RAB31: variants seen among roughly 807,000 people sequenced by gnomAD.
RAB31 encodes the protein RAB31, member RAS oncogene family.
RAB31 carries 21 observed loss-of-function variants against 25.6 expected under a neutral mutation model. The ratio of observed to expected loss-of-function variants is 0.82; its 90% CI spans 0.58 to 1.18. The LOEUF is 1.18. RAB31 is among the 50% of genes most tolerant of loss of function. The pLI is 0.00. For synonymous variants in RAB31, 87 were observed against 84.0 expected (o/e 1.04, Z -0.20); for missense variants, 196 against 250.1 (o/e 0.78, Z 1.46).
chr18:9,825,442 A>G (rs1477475699), intron 5 of RAB31, among the ~76,000 whole-genome samples: 1 of 152,206 alleles, frequency 6.6e-6, no homozygotes, highest in Admixed American at 6.5e-5. Flanking sequence ...AAAAAGAGAA[A>G]TAGGTTGTAA....
At chr18:9,803,651 C>A (rs1430371501) in intron 3 of RAB31, among the ~76,000 whole-genome samples, 2 of 152,198 alleles carry the variant, frequency 1.3e-5, no homozygotes, top group Non-Finnish European at 2.9e-5. Context: ...GCCATGCCTG[C>A]TGAGCTCCTT....
chr18:9,746,647 C>A (rs112722479), intron 1 of RAB31, among the ~76,000 whole-genome samples: 1 of 152,024 alleles, frequency 6.6e-6, no homozygotes, highest in African/African-American at 2.4e-5. Context: ...AATAAGAGTA[C>A]GAAGATCAGT....
chr18:9,748,336 C>G (rs1049048788), intron 1 of RAB31, among the ~76,000 whole-genome samples: 1 of 151,086 alleles, frequency 6.6e-6, no homozygotes, highest in South Asian at 2.1e-4. Flanking sequence ...ATCTCTACCC[C>G]CTACCCCCAA....
rs2145458914 is a variant in RAB31 at position 9,721,477 on chromosome 18, GT to G, written c.39+13034del. On this transcript the variant is annotated intron_variant, in intron 1 of 6. Transcript: ENST00000578921. ...AAAAAATATAAAAAATTAGCTGGGTGTGGTGGTGCATGCCTGTAATCCCAGC... is the reference window on the plus strand; with the variant it reads ...AAAAAATATAAAAAATTAGCTGGGTGGGTGGTGCATGCCTGTAATCCCAGC... Among the ~76,000 whole-genome samples the G allele has an allele frequency of 2.0e-5, 3 of 152,228 alleles. No individual in the cohort carries two copies. The South Asian group carries it at 6.2e-4, about 32-fold the overall frequency.
Position 9,859,487 on chromosome 18 carries a change from C to G in RAB31, c.*162C>G, listed in dbSNP as rs1008022321. 1 of 531,916 alleles carries G rather than the reference C, an allele frequency of 1.9e-6. No homozygotes were observed. Among genetic ancestry groups the G allele is most frequent in the Non-Finnish European group, 3.2e-6 (1 of 312,364 alleles). 32.9% of individuals were successfully genotyped at this position (531,916 alleles called of 1,614,324 possible). On this transcript the variant is annotated 3_prime_UTR_variant, in exon 7 of 7. Coordinates refer to ENST00000578921, the MANE Select transcript of RAB31 (RefSeq NM_006868.4). Reference sequence around the variant, plus strand: ...GCAGGGGGCGGGGCAGGAAATGTACCTGAAAAGGATTTTAGAAAACCCTGG... The same window carrying G: ...GCAGGGGGCGGGGCAGGAAATGTACGTGAAAAGGATTTTAGAAAACCCTGG...
chr18:9,825,745 T>A (rs1227657171), intron 5 of RAB31, among the ~76,000 whole-genome samples: 1 of 152,238 alleles, frequency 6.6e-6, no homozygotes, highest in Non-Finnish European at 1.5e-5. Flanking sequence ...GGCTTCTCTC[T>A]TGCCCTTCAG....
intron 2 of RAB31, among the ~76,000 whole-genome samples, chr18:9,791,817 G>A (rs1292651420): frequency 6.6e-6 from 1 of 152,096 alleles, no homozygotes; most frequent in Non-Finnish European, 1.5e-5. Flanking sequence ...TATTGGCCAG[G>A]CTGGTCTTGA....
Position 9,729,254 on chromosome 18 carries a change from G to A in RAB31, c.39+20810G>A, listed in dbSNP as rs142383867. ...CTCTAATATTATAAAAGTATTTAGC[G>A]CGATGGCTCATGTCTGTAATCCCAG... On this transcript the variant is annotated intron_variant, in intron 1 of 6. Transcript: ENST00000578921. Among the ~76,000 whole-genome samples the A allele has an allele frequency of 7.5e-3, 1,148 of 152,074 alleles. 5 individuals are homozygous for A. Among genetic ancestry groups the A allele is most frequent in the Middle Eastern group, 0.024 (7 of 294 alleles).
chr18:9,735,902 T>TAA (rs2068148700), intron 1 of RAB31, among the ~76,000 whole-genome samples: 1 of 152,204 alleles, frequency 6.6e-6, no homozygotes, highest in African/African-American at 2.4e-5. Context: ...CATGGTGAGA[T>TAA]AATAGCTTAC....
At chr18:9,792,115 C>G (rs768514290) in intron 2 of RAB31, 39 bp from the exon 3 acceptor site, 1 of 1,574,284 alleles carries the variant, frequency 6.4e-7, no homozygotes, top group East Asian at 2.3e-5. Context: ...TGTGAAGAAA[C>G]AATGCAGTAA....
intron 1 of RAB31, among the ~76,000 whole-genome samples, chr18:9,731,329 G>GT (rs1054061551): frequency 5.3e-5 from 8 of 152,110 alleles, no homozygotes; most frequent in African/African-American, 9.7e-5. Flanking sequence ...CCATTTTGCT[G>GT]TTTTTTTGGA....
intron 1 of RAB31, among the ~76,000 whole-genome samples, chr18:9,736,374 C>CGAGGGAATA (rs2068151385): frequency 6.6e-6 from 1 of 152,168 alleles, no homozygotes; most frequent in South Asian, 2.1e-4. Flanking sequence ...ATTCCCTGTC[C>CGAGGGAATA]AGACCTTTGA....
chr18:9,785,617 C>T (rs2068427796), intron 2 of RAB31, among the ~76,000 whole-genome samples: 1 of 152,172 alleles, frequency 6.6e-6, no homozygotes, highest in Admixed American at 6.5e-5. Flanking sequence ...GGACTCTAAT[C>T]TGATCGCAGG....
intron 1 of RAB31, among the ~76,000 whole-genome samples, chr18:9,728,690 A>G (rs1358226812): frequency 2.0e-5 from 3 of 152,014 alleles, no homozygotes; most frequent in African/African-American, 7.3e-5. Flanking sequence ...GGTGTTTGCC[A>G]CCACACCTGG....
intron 1 of RAB31, among the ~76,000 whole-genome samples, chr18:9,748,103 G>A (rs2068214656): frequency 6.6e-6 from 1 of 152,128 alleles, no homozygotes; most frequent in Non-Finnish European, 1.5e-5. Context: ...AGTTACTGGT[G>A]GCGTATCTCG....
chr18:9,748,173 C>T (rs1374961474), intron 1 of RAB31, among the ~76,000 whole-genome samples: 1 of 152,126 alleles, frequency 6.6e-6, no homozygotes, highest in Non-Finnish European at 1.5e-5. Flanking sequence ...TTTTGAGGGA[C>T]AGCAGTGTAG....
chr18:9,820,120 A>G (rs2068617633), intron 5 of RAB31, among the ~76,000 whole-genome samples: 1 of 152,076 alleles, frequency 6.6e-6, no homozygotes, highest in Admixed American at 6.6e-5. Flanking sequence ...GAGAGTGCAC[A>G]TTCTTGTTTC....
intron 5 of RAB31, among the ~76,000 whole-genome samples, chr18:9,838,966 A>T (rs2068718691): frequency 6.6e-6 from 1 of 152,276 alleles, no homozygotes; most frequent in Non-Finnish European, 1.5e-5. Flanking sequence ...TGCTGAAGGC[A>T]ACTTGGGGTG....
chr18:9,802,917 G>T (rs2068521185), intron 3 of RAB31, among the ~76,000 whole-genome samples: 1 of 152,176 alleles, frequency 6.6e-6, no homozygotes, highest in African/African-American at 2.4e-5. Flanking sequence ...CAAAAAAGTG[G>T]TTCACTATTC....
Sources: allele counts gnomAD v4.1 joint callset (sites outside exome capture counted in the v4.1 genomes callset), GRCh38; gene constraint gnomAD v4.1.1; transcripts MANE v1.5; gene names NCBI Gene and HGNC (gene_info 2026-07-23, HGNC 2026-07-21).